Variants in NAT8L observed in about 807,000 individuals in gnomAD.
NAT8L encodes the protein aspartate N-acetyltransferase, also known as N-acetylaspartate synthetase.
A neutral mutation model predicts 21.2 loss-of-function variants in NAT8L; 6 were observed. The ratio of observed to expected loss-of-function variants is 0.28; its 90% CI spans 0.16 to 0.56. The LOEUF is 0.56. Among genes scored for constraint, NAT8L ranks in the 20% least tolerant of loss-of-function variants. The pLI, the probability that NAT8L is intolerant of heterozygous loss-of-function variation, is 0.93. For synonymous variants in NAT8L, 239 were observed against 204.9 expected (o/e 1.17, Z -1.42); for missense variants, 331 against 433.3 (o/e 0.76, Z 2.10).
chr4:2,062,932 G>A (rs1352666707), intron 2 of NAT8L, among the ~76,000 whole-genome samples: 1 of 152,190 alleles, frequency 6.6e-6, no homozygotes, highest in Non-Finnish European at 1.5e-5. Flanking sequence ...CTTCCCCTGT[G>A]GCCAGTGCCT....
intron 2 of NAT8L, 41 bp from the exon 3 acceptor site, chr4:2,063,719 C>T: frequency 6.2e-7 from 1 of 1,605,628 alleles, no homozygotes; most frequent in Non-Finnish European, 8.5e-7. Context: ...GTCTCCCCAG[C>T]CTTCCTCACC....
chr4:2,064,090 G>T lies in NAT8L; in HGVS notation c.872G>T (p.Arg291Leu). Reference sequence around the variant, plus strand: ...GCTGAGCGCCTCTTCTTCCAGGTCCGCTACCACCGCTACCGCCTGCAGCTG... The same window carrying T: ...GCTGAGCGCCTCTTCTTCCAGGTCCTCTACCACCGCTACCGCCTGCAGCTG... ...SLAERLFFQV[R>L]YHRYRLQLRE... Residue 291 changes from arginine (R) to leucine (L), a missense_variant, in exon 3 of 3, where the codon CGC (arginine) becomes CTC (leucine). This residue lies in a region of NAT8L where 132 missense variants were observed against 237.1 expected (regional missense o/e 0.56). Coordinates refer to ENST00000423729, the MANE Select transcript of NAT8L (RefSeq NM_178557.4). The T allele has an allele frequency of 1.2e-6, 2 of 1,602,022 alleles. No individual in the cohort carries two copies.
rs896527906 is a variant in NAT8L at position 2,061,766 on chromosome 4, G to C, written c.541+604G>C. Among the ~76,000 whole-genome samples, 261 of 152,320 alleles carry C rather than the reference G, an allele frequency of 1.7e-3. 1 individual carries two copies. Among genetic ancestry groups the C allele is most frequent in the Non-Finnish European group, 1.8e-3 (124 of 68,016 alleles). On this transcript the variant is annotated intron_variant, in intron 2 of 2. Coordinates refer to ENST00000423729, the MANE Select transcript of NAT8L (RefSeq NM_178557.4). ...GGCCCCCAGCCGCTGAGCCACACCG[G>C]TTCCCCCATGCCGGATGCCGCAGGG...
rs1730069922 is a variant in NAT8L at position 2,068,971 on chromosome 4, C to T, written c.*4844C>T. ...GCCCCAGATGTGCCAAAACAGCCCC[C>T]AGGGTGGGGGCGAGCGAGTTCTGAG... On this transcript the variant is annotated 3_prime_UTR_variant, in exon 3 of 3. Transcript: ENST00000423729. 3 of 151,922 alleles carry T rather than the reference C, an allele frequency of 2.0e-5. No individual in the cohort carries two copies. Among genetic ancestry groups the T allele is most frequent in the South Asian group, 2.1e-4 (1 of 4,816 alleles). 9.4% of individuals were successfully genotyped at this position (151,922 alleles called of 1,614,324 possible).
Position 2,067,082 on chromosome 4 carries a change from A to G in NAT8L, c.*2955A>G. The G allele has an allele frequency of 6.6e-6, 1 of 152,656 alleles. No individual in the cohort carries two copies. Among genetic ancestry groups the G allele is most frequent in the Non-Finnish European group, 1.5e-5 (1 of 68,294 alleles). The allele number at this position is 152,656 out of a possible 1,614,324, so 9.5% of individuals were successfully genotyped here. ...AGGCAGCTGCCACTGCCCAGGTGTG[A>G]GTCGCTGCAGACCTGGTCCCTGAGG... On this transcript the variant is annotated 3_prime_UTR_variant, in exon 3 of 3. Coordinates refer to ENST00000423729, the MANE Select transcript of NAT8L (RefSeq NM_178557.4).
chr4:2,067,643 G>A lies in NAT8L; in HGVS notation c.*3516G>A, dbSNP rs369434212. On this transcript the variant is annotated 3_prime_UTR_variant, in exon 3 of 3. Transcript: ENST00000423729. The stretch of plus-strand genomic sequence containing the variant: ...ACTTGGGTTCCTGGGCTCTGCTGGC[G>A]CCTGGGCTTTGTGGGGGCCGAAGGT... 3.3e-5 allele frequency: 5 copies of A among 152,404 alleles called. No individual in the cohort carries two copies. The highest frequency in any genetic ancestry group is 3.8e-4 in the East Asian group (2 of 5,210). 9.4% of individuals were successfully genotyped at this position (152,404 alleles called of 1,614,324 possible). A position where few individuals can be genotyped will look rare whatever the true frequency, so the allele number is the denominator to read the frequency against.
At position 2,059,769 on chromosome 4, in the gene NAT8L, C is replaced by T. The variant is rs766100531; in HGVS notation, c.258C>T (p.Ala86=). 2.2e-6 allele frequency: 3 copies of T among 1,339,474 alleles called. No individual in the cohort carries two copies. The highest frequency in any genetic ancestry group is 3.8e-5 in the East Asian group (1 of 26,324). 83.0% of individuals were successfully genotyped at this position (1,339,474 alleles called of 1,614,324 possible). Residue 86 remains alanine (A), a synonymous_variant, in exon 1 of 3, where the codon GCC becomes GCT. Coordinates refer to ENST00000423729, the MANE Select transcript of NAT8L (RefSeq NM_178557.4). This position sits in a 1 kb window ranked among gnomAD's most constrained non-coding sequence, Gnocchi z 4.8. The part of the protein sequence containing the change: ...RGVCIREFRA[A]EQEAARRIFY... ...TGTGCATCCGCGAGTTCCGTGCGGCCGAGCAGGAGGCGGCGCGCCGCATCT... is the reference window on the plus strand; with the variant it reads ...TGTGCATCCGCGAGTTCCGTGCGGCTGAGCAGGAGGCGGCGCGCCGCATCT...
At position 2,064,094 on chromosome 4, in the gene NAT8L, C is replaced by T; in HGVS notation, c.876C>T (p.Tyr292=). The T allele has an allele frequency of 6.2e-7, 1 of 1,602,478 alleles. No individual in the cohort carries two copies. The highest frequency in any genetic ancestry group is 8.5e-7 in the Non-Finnish European group (1 of 1,178,268). The change falls in exon 3 of 3, where the codon TAC becomes TAT. Residue 292 remains tyrosine (Y), a synonymous_variant. Coordinates refer to ENST00000423729, the MANE Select transcript of NAT8L (RefSeq NM_178557.4). The part of the protein sequence containing the change: ...LAERLFFQVR[Y]HRYRLQLREE ...AGCGCCTCTTCTTCCAGGTCCGCTACCACCGCTACCGCCTGCAGCTGCGCG... is the reference window on the plus strand; with the variant it reads ...AGCGCCTCTTCTTCCAGGTCCGCTATCACCGCTACCGCCTGCAGCTGCGCG...
rs951956520 is a variant in NAT8L, at chr4:2,060,495, C to T, written c.377-503C>T. ...ACGGCAGCCGAAATGCGGCTGGAAGCGGTGTGGGGCCTCCCTGCCCTGTCC... is the reference window on the plus strand; with the variant it reads ...ACGGCAGCCGAAATGCGGCTGGAAGTGGTGTGGGGCCTCCCTGCCCTGTCC... On this transcript the variant is annotated intron_variant, in intron 1 of 2. Coordinates refer to ENST00000423729, the MANE Select transcript of NAT8L (RefSeq NM_178557.4). The surrounding 1 kb of genome is among the most constrained non-coding windows in gnomAD (Gnocchi z 4.7). 6.6e-6 allele frequency among the ~76,000 whole-genome samples: 1 copy of T among 152,216 alleles called. No homozygotes were observed. Among genetic ancestry groups the T allele is most frequent in the Non-Finnish European group, 1.5e-5 (1 of 68,028 alleles).
At position 2,066,702 on chromosome 4, in the gene NAT8L, G is replaced by T; in HGVS notation, c.*2575G>T. ...CCCTCCTGGGCCCTGCTGTCACGTG[G>T]CTGGTGCGGCTTCCCCGAGTGCTGG... On this transcript the variant is annotated 3_prime_UTR_variant, in exon 3 of 3. Coordinates refer to ENST00000423729, the MANE Select transcript of NAT8L (RefSeq NM_178557.4). 6.5e-6 allele frequency: 1 copy of T among 152,812 alleles called. No individual in the cohort carries two copies. The highest frequency in any genetic ancestry group is 1.5e-5 in the Non-Finnish European group (1 of 68,266). The allele number at this position is 152,812 out of a possible 1,614,324, so 9.5% of individuals were successfully genotyped here. A position where few individuals can be genotyped will look rare whatever the true frequency, so the allele number is the denominator to read the frequency against.
rs767210517 is a variant in NAT8L at position 2,061,046 on chromosome 4, C to T, written c.425C>T (p.Pro142Leu). 3.1e-6 allele frequency: 5 copies of T among 1,592,074 alleles called. No individual in the cohort carries two copies. The East Asian group carries it at 7.0e-5, about 22-fold the overall frequency. Residue 142 changes from proline (P) to leucine (L), a missense_variant, in exon 2 of 3, where the codon CCG becomes CTG. Coordinates refer to ENST00000423729, the MANE Select transcript of NAT8L (RefSeq NM_178557.4). The part of the protein sequence containing the change: ...SRSLLLTCLV[P>L]AALLGLRYYY... ...TCGCTGCTGCTGACGTGCCTGGTGC[C>T]GGCCGCGCTGCTGGGCCTGCGCTAC...
chr4:2,063,128 G>A (rs190894290), intron 2 of NAT8L, among the ~76,000 whole-genome samples: 1 of 152,384 alleles, frequency 6.6e-6, no homozygotes, highest in East Asian at 1.9e-4. Flanking sequence ...GGGGCCAGAG[G>A]GGCCATCCCC....
Position 2,060,307 on chromosome 4 carries a change from G to A in NAT8L, c.376+420G>A, listed in dbSNP as rs1002794659. ...GGGAAGACAGCCGGCGCCGCGGGGG[G>A]TGCGCGCGCCTGGCACAGCCGGGGC... On this transcript the variant is annotated intron_variant, in intron 1 of 2. Transcript: ENST00000423729. This position sits in a 1 kb window ranked among gnomAD's most constrained non-coding sequence, Gnocchi z 4.7. Among the ~76,000 whole-genome samples, 2 of 152,190 alleles carry A rather than the reference G, an allele frequency of 1.3e-5. No homozygotes were observed. Among genetic ancestry groups the A allele is most frequent in the Non-Finnish European group, 2.9e-5 (2 of 68,010 alleles).
In NAT8L at chr4:2,063,869, A is replaced by C. The variant is rs761263475; in HGVS notation, c.651A>C (p.Ser217=). 102 of 1,612,334 alleles carry C rather than the reference A, an allele frequency of 6.3e-5. No individual in the cohort carries two copies. The highest frequency in any genetic ancestry group is 8.1e-5 in the Non-Finnish European group (95 of 1,179,946). The part of the protein sequence containing the change: ...TVELLRMSVD[S]RFRGKGIAKA... ...AGCTGCTGCGGATGTCTGTGGACTCACGTTTCCGAGGCAAGGGCATCGCCA... is the reference window on the plus strand; with the variant it reads ...AGCTGCTGCGGATGTCTGTGGACTCCCGTTTCCGAGGCAAGGGCATCGCCA... Residue 217 remains serine, a synonymous_variant, in exon 3 of 3, where the codon TCA becomes TCC. Coordinates refer to ENST00000423729, the MANE Select transcript of NAT8L (RefSeq NM_178557.4).
chr4:2,060,118 C>T lies in NAT8L; in HGVS notation c.376+231C>T, dbSNP rs558141382. Among the ~76,000 whole-genome samples the T allele has an allele frequency of 3.3e-5, 5 of 152,136 alleles. No individual in the cohort carries two copies. The East Asian group carries it at 7.8e-4, about 24-fold the overall frequency. On this transcript the variant is annotated intron_variant, in intron 1 of 2. Transcript: ENST00000423729. This position sits in a 1 kb window ranked among gnomAD's most constrained non-coding sequence, Gnocchi z 4.7. ...CCGGGGTCCGCACCTGCGTCCCCGC[C>T]GCGCAGCCCCCCACCCCCACCGCCT...
Position 2,060,622 on chromosome 4 carries a change from T to TCCTCCTC in NAT8L, c.377-373_377-367dup, listed in dbSNP as rs1251385037. ...AGGCTGGAACGTGGGACACCCCCCT[T>TCCTCCTC]CCTCCTCCCCCCTCCCCCCTCCCCC... On this transcript the variant is annotated intron_variant, in intron 1 of 2. Coordinates refer to ENST00000423729, the MANE Select transcript of NAT8L (RefSeq NM_178557.4). This position sits in a 1 kb window ranked among gnomAD's most constrained non-coding sequence, Gnocchi z 4.7. Among the ~76,000 whole-genome samples the TCCTCCTC allele has an allele frequency of 6.7e-5, 10 of 149,406 alleles. No individual in the cohort carries two copies. The highest frequency in any genetic ancestry group is 1.3e-4 in the Admixed American group (2 of 15,166).
At position 2,060,303 on chromosome 4, in the gene NAT8L, G is replaced by A. The variant is rs563758666; in HGVS notation, c.376+416G>A. On this transcript the variant is annotated intron_variant, in intron 1 of 2. Transcript: ENST00000423729. This position sits in a 1 kb window ranked among gnomAD's most constrained non-coding sequence, Gnocchi z 4.7. Reference sequence around the variant, plus strand: ...TGAGGGGAAGACAGCCGGCGCCGCGGGGGGTGCGCGCGCCTGGCACAGCCG... The same window carrying A: ...TGAGGGGAAGACAGCCGGCGCCGCGAGGGGTGCGCGCGCCTGGCACAGCCG... Among the ~76,000 whole-genome samples, 2 of 152,260 alleles carry A rather than the reference G, an allele frequency of 1.3e-5. No homozygotes were observed. The highest frequency in any genetic ancestry group is 2.1e-4 in the South Asian group (1 of 4,820).
chr4:2,069,002 G>A lies in NAT8L; in HGVS notation c.*4875G>A, dbSNP rs570472200. On this transcript the variant is annotated 3_prime_UTR_variant, in exon 3 of 3. Coordinates refer to ENST00000423729, the MANE Select transcript of NAT8L (RefSeq NM_178557.4). ...GGGGGCGAGCGAGTTCTGAGGAGAGGGGCTGCGGGGGCCGGGGGTGGGTGT... is the reference window on the plus strand; with the variant it reads ...GGGGGCGAGCGAGTTCTGAGGAGAGAGGCTGCGGGGGCCGGGGGTGGGTGT... 2.6e-5 allele frequency: 4 copies of A among 152,242 alleles called. No homozygotes were observed. Among genetic ancestry groups the A allele is most frequent in the East Asian group, 3.9e-4 (2 of 5,174 alleles). 9.4% of individuals were successfully genotyped at this position (152,242 alleles called of 1,614,324 possible).
In NAT8L at chr4:2,060,979, C is replaced by T. The variant is rs1025522393; in HGVS notation, c.377-19C>T. On this transcript the variant is annotated intron_variant, in intron 1 of 2. Transcript: ENST00000423729. This position sits in a 1 kb window ranked among gnomAD's most constrained non-coding sequence, Gnocchi z 4.7. ...TGGGGACCCCCGCCGCGCCGCTGAC[C>T]CGCGCCCTCTGCCCCCAGCGCTGTG... is the stretch of plus-strand genomic sequence containing the variant. 3.4e-6 allele frequency: 5 copies of T among 1,454,174 alleles called. No homozygotes were observed. In the African/African-American group the frequency reaches 7.1e-5, roughly 21 times the overall value. 90.1% of individuals were successfully genotyped at this position (1,454,174 alleles called of 1,614,324 possible). A position where few individuals can be genotyped will look rare whatever the true frequency, so the allele number is the denominator to read the frequency against.
Sources: allele counts gnomAD v4.1 joint callset (sites outside exome capture counted in the v4.1 genomes callset), GRCh38; gene constraint gnomAD v4.1.1; regional missense constraint gnomAD v4.1.1; non-coding constraint Gnocchi (gnomAD v3.1); transcripts MANE v1.5; gene names NCBI Gene and HGNC (gene_info 2026-07-23, HGNC 2026-07-21).